MAGI3: variants seen among roughly 807,000 people sequenced by gnomAD.
MAGI3 encodes membrane associated guanylate kinase, WW and PDZ domain containing 3.
A neutral mutation model predicts 121.8 loss-of-function variants in MAGI3; 43 were observed. The ratio of observed to expected loss-of-function variants is 0.35; its 90% CI spans 0.28 to 0.46. The LOEUF (loss-of-function observed/expected upper bound fraction) is 0.46. Among genes scored for constraint, MAGI3 ranks in the 20% least tolerant of loss-of-function variants. The probability of loss-of-function intolerance (pLI) is 1.00; values close to 1 mark genes in which losing one functional copy is unlikely to be tolerated. For synonymous variants in MAGI3, 553 were observed against 639.3 expected, an observed-to-expected ratio of 0.86 and a Z score of 2.04; for missense variants, 1,547 against 1,797.3, an observed-to-expected ratio of 0.86 and a Z score of 2.52.
chr1:113,402,539 G>C (rs1427450239), intron 1 of MAGI3, among the ~76,000 whole-genome samples: 1 of 151,972 alleles, frequency 6.6e-6, no homozygotes, highest in Non-Finnish European at 1.5e-5. Context: ...CTGCTATATG[G>C]TAGACTGCTA....
intron 1 of MAGI3, among the ~76,000 whole-genome samples, chr1:113,470,881 A>G (rs563640598): frequency 1.3e-5 from 2 of 152,306 alleles, no homozygotes; most frequent in Non-Finnish European, 2.9e-5. Flanking sequence ...TTCTTTTTAA[A>G]AGCCAAATAA....
intron 1 of MAGI3, among the ~76,000 whole-genome samples, chr1:113,535,458 ACCTT>A (rs1458800373): frequency 2.0e-5 from 3 of 152,100 alleles, no homozygotes; most frequent in African/African-American, 7.2e-5. Flanking sequence ...GCTATTCTGC[ACCTT>A]CCTCTTTTTT....
At chr1:113,641,216 A>T (rs1413550952) in intron 9 of MAGI3, among the ~76,000 whole-genome samples, 1 of 147,360 alleles carries the variant, frequency 6.8e-6, no homozygotes, top group Admixed American at 6.9e-5. Context: ...TATAGGGGCT[A>T]TAGGAACTTG....
chr1:113,496,821 C>T (rs561593422), intron 1 of MAGI3, among the ~76,000 whole-genome samples: 3 of 152,314 alleles, frequency 2.0e-5, no homozygotes, highest in South Asian at 4.1e-4. Flanking sequence ...AGGCTGTATA[C>T]ATTTTTTTAA....
chr1:113,464,258 T>G (rs927505478), intron 1 of MAGI3, among the ~76,000 whole-genome samples: 1 of 152,140 alleles, frequency 6.6e-6, no homozygotes, highest in Non-Finnish European at 1.5e-5. Flanking sequence ...AATATTTGTC[T>G]TTTACTGCTT....
chr1:113,560,345 C>T (rs947266539), intron 2 of MAGI3, among the ~76,000 whole-genome samples: 12 of 151,784 alleles, frequency 7.9e-5, no homozygotes, highest in African/African-American at 2.9e-4. Flanking sequence ...CACTGCACTC[C>T]TGCCTGAGTC....
chr1:113,393,365 T>C (rs566418068), intron 1 of MAGI3, among the ~76,000 whole-genome samples: 91 of 152,358 alleles, frequency 6.0e-4, no homozygotes, highest in African/African-American at 2.0e-3. Flanking sequence ...GTAATAAAGT[T>C]CTGAATACTA....
intron 1 of MAGI3, among the ~76,000 whole-genome samples, chr1:113,398,939 A>G (rs1013977785): frequency 6.6e-6 from 1 of 152,114 alleles, no homozygotes; most frequent in Non-Finnish European, 1.5e-5. Context: ...CAGTTTCTGT[A>G]TTTGTAAGAA....
chr1:113,565,191 C>G (rs975368351), intron 2 of MAGI3, among the ~76,000 whole-genome samples: 1 of 152,016 alleles, frequency 6.6e-6, no homozygotes, highest in Admixed American at 6.6e-5. Context: ...ATTGTTTTAT[C>G]TGATGGTCTT....
intron 5 of MAGI3, among the ~76,000 whole-genome samples, chr1:113,591,766 C>G (rs1379759189): frequency 6.6e-6 from 1 of 152,082 alleles, no homozygotes; most frequent in Non-Finnish European, 1.5e-5. Flanking sequence ...GACTTTAGAA[C>G]TAAGCCCCAA....
chr1:113,685,037 G>A lies in MAGI3; in HGVS notation c.*1023G>A, dbSNP rs560885678. ...CAAGTACCAACTCTTCTGGTAGCAGGTGCACAAGCTTGGGTGTTTAAAAAC... is the reference window on the plus strand; with the variant it reads ...CAAGTACCAACTCTTCTGGTAGCAGATGCACAAGCTTGGGTGTTTAAAAAC... On this transcript the variant is annotated 3_prime_UTR_variant, in exon 21 of 21. Transcript: ENST00000307546. 1 of 152,342 alleles carries A rather than the reference G, an allele frequency of 6.6e-6. No individual in the cohort carries two copies. The highest frequency in any genetic ancestry group is 1.5e-5 in the Non-Finnish European group (1 of 68,034). The allele number at this position is 152,342 out of a possible 1,614,324, so 9.4% of individuals were successfully genotyped here. A position where few individuals can be genotyped will look rare whatever the true frequency, so the allele number is the denominator to read the frequency against.
chr1:113,552,042 G>A (rs1659810464), intron 2 of MAGI3, among the ~76,000 whole-genome samples: 1 of 151,958 alleles, frequency 6.6e-6, no homozygotes, highest in Non-Finnish European at 1.5e-5. Context: ...ACACTTTGCT[G>A]TGCTTTTCTC....
Position 113,681,251 on chromosome 1 carries a change from T to C in MAGI3, c.3243T>C (p.His1081=). ...INGEPTQGIT[H]TRAIELIQAG... is the part of the protein sequence containing the mutation. Reference sequence around the variant, plus strand: ...GGGAACCTACACAAGGAATCACACATACTCGAGCAATTGAGCTCATTCAGG... The same window carrying C: ...GGGAACCTACACAAGGAATCACACACACTCGAGCAATTGAGCTCATTCAGG... The change falls in exon 20 of 21, where the codon CAT becomes CAC. Residue 1081 remains histidine (H), a synonymous_variant. Coordinates refer to ENST00000307546, the MANE Select transcript of MAGI3 (RefSeq NM_001142782.2). 1 of 1,614,170 alleles carries C rather than the reference T, an allele frequency of 6.2e-7. No individual in the cohort carries two copies. Among genetic ancestry groups the C allele is most frequent in the Non-Finnish European group, 8.5e-7 (1 of 1,180,016 alleles).
At chr1:113,462,460 A>C (rs963462347) in intron 1 of MAGI3, among the ~76,000 whole-genome samples, 4 of 152,234 alleles carry the variant, frequency 2.6e-5, no homozygotes, top group African/African-American at 9.6e-5. Context: ...ATGCAGGAAC[A>C]GAAAACCAAA....
chr1:113,398,298 G>C (rs1216837057), intron 1 of MAGI3, among the ~76,000 whole-genome samples: 2 of 152,078 alleles, frequency 1.3e-5, no homozygotes, highest in East Asian at 3.8e-4. Context: ...GGTTATGAAG[G>C]GTTAAACTTT....
intron 16 of MAGI3, among the ~76,000 whole-genome samples, chr1:113,663,526 A>G (rs1653891235): frequency 6.6e-6 from 1 of 152,222 alleles, no homozygotes; most frequent in Admixed American, 6.5e-5. Flanking sequence ...TAGTTGTAGC[A>G]TGCATCAGTA....
intron 1 of MAGI3, among the ~76,000 whole-genome samples, chr1:113,455,860 A>G (rs1237493255): frequency 6.6e-6 from 1 of 152,112 alleles, no homozygotes; most frequent in Non-Finnish European, 1.5e-5. Context: ...TGTTTTGCTT[A>G]TTCTTGCCTA....
intron 19 of MAGI3, among the ~76,000 whole-genome samples, chr1:113,674,341 G>A (rs886198505): frequency 1.4e-4 from 20 of 144,432 alleles, no homozygotes; most frequent in Admixed American, 6.4e-4. Flanking sequence ...GGAGTGTGCC[G>A]AGATCACACC....
At chr1:113,472,105 T>A (rs1446467438) in intron 1 of MAGI3, among the ~76,000 whole-genome samples, 1 of 152,200 alleles carries the variant, frequency 6.6e-6, no homozygotes, top group East Asian at 1.9e-4. Context: ...TCTCTTTTAG[T>A]TACCATTTGC....
Sources: gnomAD v4.1 joint callset for allele counts (sites outside exome capture counted in the v4.1 genomes callset) on GRCh38, gnomAD v4.1.1 for gene constraint, MANE v1.5 for transcripts, NCBI Gene and HGNC (gene_info 2026-07-23, HGNC 2026-07-21) for gene names.